The following MOBP variants were observed in gnomAD, a reference collection of about 807,000 sequenced individuals.
The protein encoded by MOBP is myelin associated oligodendrocyte basic protein, also known as myelin-associated oligodendrocyte basic protein.
A neutral mutation model predicts 15.0 loss-of-function variants in MOBP; 5 were observed. The ratio of observed to expected loss-of-function variants is 0.33; its 90% confidence interval spans 0.17 to 0.70. MOBP has a LOEUF of 0.70. Ranked by LOEUF, MOBP falls within the 30% of genes least tolerant of loss-of-function variation. MOBP has a pLI of 0.67. For missense variants in MOBP, 188 were observed against 257.8 expected, an observed-to-expected ratio of 0.73 and a Z score of 1.85; for synonymous variants, 88 against 99.0, an observed-to-expected ratio of 0.89 and a Z score of 0.66.
At chr3:39,489,691 G>GCC (rs546154097) in intron 2 of MOBP, among the ~76,000 whole-genome samples, 6 of 149,096 alleles carry the variant, frequency 4.0e-5, no homozygotes, top group South Asian at 2.1e-4. Flanking sequence ...ATTGTTCCCC[G>GCC]CCCAGCTCCT....
At chr3:39,518,772 G>A (rs1440664600), downstream of MOBP, among the ~76,000 whole-genome samples, 1 of 152,150 alleles carries the variant, frequency 6.6e-6, no homozygotes, top group African/African-American at 2.4e-5. Flanking sequence ...ATTCAATCAT[G>A]TTTACATGCA....
chr3:39,524,300 T>C (rs977672906), exon 4 of MOBP: 1 of 152,272 alleles, frequency 6.6e-6, no homozygotes, highest in Non-Finnish European at 1.5e-5. Flanking sequence ...CTGAGAGATC[T>C]GCTGTCAGTC....
chr3:39,518,390 G>A (rs2043227169), downstream of MOBP, among the ~76,000 whole-genome samples: 1 of 152,194 alleles, frequency 6.6e-6, no homozygotes, highest in Non-Finnish European at 1.5e-5. Context: ...GTAAGGGTGA[G>A]GAAGAAAGTC....
chr3:39,508,971 T>C (rs1405241547), intron 4 of MOBP, among the ~76,000 whole-genome samples: 2 of 152,150 alleles, frequency 1.3e-5, no homozygotes, highest in Admixed American at 6.5e-5. Context: ...CCCTATACAG[T>C]ATATATGTAT....
chr3:39,494,167 T>A (rs1251483975), intron 2 of MOBP, among the ~76,000 whole-genome samples: 1 of 152,230 alleles, frequency 6.6e-6, no homozygotes, highest in African/African-American at 2.4e-5. Flanking sequence ...TTTGCTATTT[T>A]AAAATTATTA....
chr3:39,508,995 A>G (rs2043084215), intron 4 of MOBP, among the ~76,000 whole-genome samples: 1 of 152,172 alleles, frequency 6.6e-6, no homozygotes, highest in Admixed American at 6.5e-5. Context: ...GTATATATAC[A>G]TATGCATCCA....
At chr3:39,505,998 TA>T (rs376674752), downstream of MOBP, among the ~76,000 whole-genome samples, 77 of 152,282 alleles carry the variant, frequency 5.1e-4, 1 homozygote, top group South Asian at 0.016. Flanking sequence ...CATCTGTCTT[TA>T]AATCCTTCCC....
chr3:39,500,601 T>C (rs977662109), intron 2 of MOBP, among the ~76,000 whole-genome samples: 1 of 151,988 alleles, frequency 6.6e-6, no homozygotes, highest in East Asian at 1.9e-4. Context: ...CATTTTTCCT[T>C]GGGAGGAAAG....
At chr3:39,506,987 A>G (rs1014911103), downstream of MOBP, among the ~76,000 whole-genome samples, 3 of 152,176 alleles carry the variant, frequency 2.0e-5, no homozygotes, top group Non-Finnish European at 4.4e-5. Flanking sequence ...TTTTCTCTGC[A>G]GGAACTTTCC....
At chr3:39,511,064 T>C (rs1399780348) in intron 4 of MOBP, among the ~76,000 whole-genome samples, 2 of 152,232 alleles carry the variant, frequency 1.3e-5, no homozygotes, top group African/African-American at 4.8e-5. Flanking sequence ...CGAGCATTCT[T>C]TGGATGTAAA....
rs144875433 is a variant in MOBP at position 39,486,818 on chromosome 3, G to A, written c.-5+6695G>A. 3.0e-3 allele frequency among the ~76,000 whole-genome samples: 451 copies of A among 151,748 alleles called. 1 individual carries two copies. The highest frequency in any genetic ancestry group is 5.1e-3 in the Admixed American group (78 of 15,252). On this transcript the variant is annotated intron_variant, in intron 2 of 3. Transcript: ENST00000684792. The stretch of plus-strand genomic sequence containing the variant: ...GTTGTTTTTTCCTAATGATTTGTAC[G>A]AGTTCTTTAAATATTCTGAATAGGA...
downstream of MOBP, among the ~76,000 whole-genome samples, chr3:39,516,161 T>G (rs971048353): frequency 1.3e-5 from 2 of 152,138 alleles, no homozygotes; most frequent in Admixed American, 1.3e-4. Flanking sequence ...GAACAGAAAT[T>G]TGCAATTGTA....
At chr3:39,528,183 C>T (rs572550053), downstream of MOBP, 1 of 152,086 alleles carries the variant, frequency 6.6e-6, no homozygotes, top group East Asian at 1.9e-4. Flanking sequence ...CAATAAGAAC[C>T]CATGGACATT....
chr3:39,508,493 T>C (rs1315869734), intron 4 of MOBP, among the ~76,000 whole-genome samples: 1 of 152,080 alleles, frequency 6.6e-6, no homozygotes, highest in African/African-American at 2.4e-5. Flanking sequence ...TGTAATATTA[T>C]AGCCTTTTGA....
At chr3:39,477,022 A>C (rs1179353683) in intron 1 of MOBP, among the ~76,000 whole-genome samples, 1 of 151,962 alleles carries the variant, frequency 6.6e-6, no homozygotes, top group Admixed American at 6.6e-5. Flanking sequence ...GACCCAGTCA[A>C]GTCTTGGTTT....
chr3:39,498,260 C>A (rs142144434), intron 2 of MOBP, among the ~76,000 whole-genome samples: 2 of 152,350 alleles, frequency 1.3e-5, no homozygotes, highest in African/African-American at 4.8e-5. Context: ...GTATATAGAA[C>A]TGCTTAAGCA....
At chr3:39,479,841 T>C (rs2042603570) in intron 1 of MOBP, among the ~76,000 whole-genome samples, 199 bp from the exon 2 acceptor site, 1 of 150,816 alleles carries the variant, frequency 6.6e-6, no homozygotes, top group Non-Finnish European at 1.5e-5. Flanking sequence ...GTTAAGGCGG[T>C]TATTAAAAGT....
chr3:39,508,314 C>T (rs909434884), intron 4 of MOBP, among the ~76,000 whole-genome samples: 1 of 152,288 alleles, frequency 6.6e-6, no homozygotes, highest in Admixed American at 6.5e-5. Flanking sequence ...CATTTCTACG[C>T]ACATAGTCCT....
chr3:39,509,086 GTGTT>G (rs58267262), intron 4 of MOBP, among the ~76,000 whole-genome samples: 3,238 of 97,398 alleles, frequency 0.033, 116 homozygotes, highest in African/African-American at 0.099. Context: ...GTGTGTGAGA[GTGTT>G]TGTGTGTGTG....
Sources: gnomAD v4.1 joint callset for allele counts (sites outside exome capture counted in the v4.1 genomes callset) on GRCh38, gnomAD v4.1.1 for gene constraint, MANE v1.5 for transcripts, NCBI Gene and HGNC (gene_info 2026-07-23, HGNC 2026-07-21) for gene names.